YIPF1: variants seen among roughly 807,000 people sequenced by gnomAD.
YIPF1 encodes the protein protein YIPF1.
Under a neutral mutation model 37.0 loss-of-function variants are expected in YIPF1, and 22 were observed. That is an observed-to-expected ratio of 0.59 (90% CI 0.42 to 0.85). YIPF1 has a LOEUF of 0.85. Among genes scored for constraint, YIPF1 ranks in the 40% least tolerant of loss-of-function variants. YIPF1 has a pLI of 0.00. For missense variants in YIPF1, 355 were observed against 373.1 expected (o/e 0.95, Z 0.40); for synonymous variants, 128 against 131.9 (o/e 0.97, Z 0.21).
chr1:53,882,215 C>A (rs1650520072), intron 4 of YIPF1, among the ~76,000 whole-genome samples: 1 of 152,108 alleles, frequency 6.6e-6, no homozygotes, highest in African/African-American at 2.4e-5. Flanking sequence ...CTAATGGATG[C>A]TGGGCTTAAT....
intron 10 of YIPF1, among the ~76,000 whole-genome samples, chr1:53,859,401 C>T (rs1429471435): frequency 3.3e-5 from 5 of 152,270 alleles, no homozygotes; most frequent in East Asian, 1.9e-4. Context: ...CGGTGGCTCA[C>T]GCCTGTAATC....
chr1:53,869,726 T>C (rs1273481797), intron 7 of YIPF1, among the ~76,000 whole-genome samples: 1 of 152,182 alleles, frequency 6.6e-6, no homozygotes, highest in Non-Finnish European at 1.5e-5. Context: ...TAAAAGCTGT[T>C]TTGTTTTTTC....
chr1:53,870,622 T>C (rs981212785), intron 7 of YIPF1, among the ~76,000 whole-genome samples: 1 of 152,208 alleles, frequency 6.6e-6, no homozygotes, highest in Admixed American at 6.5e-5. Flanking sequence ...ACAATGTTTC[T>C]ATTGTCTCCA....
At chr1:53,854,249 C>G (rs1649665777) in intron 10 of YIPF1, among the ~76,000 whole-genome samples, 1 of 47,354 alleles carries the variant, frequency 2.1e-5, no homozygotes, top group Non-Finnish European at 3.9e-5. Context: ...GAGACTCTGT[C>G]TGAAAAAAAA....
chr1:53,883,100 G>C lies in YIPF1; in HGVS notation c.195+13C>G, dbSNP rs1310546846. 6.4e-7 allele frequency: 1 copy of C among 1,557,064 alleles called. No homozygotes were observed. The highest frequency in any genetic ancestry group is 8.6e-7 in the Non-Finnish European group (1 of 1,157,112). On this transcript the variant is annotated intron_variant, in intron 4 of 10. Transcript: ENST00000072644. ...AAAATTGTTTAAAAAATATCTCAAA[G>C]ACAAGTTCAAACCTCAGTTTTGTCA...
intron 10 of YIPF1, 90 bp downstream of exon 10, chr1:53,859,966 C>T (rs1052203537): frequency 2.3e-6 from 3 of 1,297,108 alleles, no homozygotes; most frequent in Non-Finnish European, 3.3e-6. Context: ...AGGGTCTGGC[C>T]CTCTGTGCTT....
rs753860946 is a variant in YIPF1 at position 53,878,320 on chromosome 1, A to G, written c.359T>C (p.Leu120Pro). The change falls in exon 6 of 11, where the codon CTC becomes CCC. Residue 120 changes from leucine (L) to proline (P), a missense_variant. Physicochemically the swap from Leu to Pro is moderately conservative, Grantham distance 98 (BLOSUM62 -3). Coordinates refer to ENST00000072644, the MANE Select transcript of YIPF1 (RefSeq NM_018982.5). ...CAAATCAGTACTAAACATACCATAG[A>G]GATCTGGATTGCTGCGGATATATAA... ...VRLYIRSNPD[L>P]YGPFWICATL... 9 of 1,613,942 alleles carry G rather than the reference A, an allele frequency of 5.6e-6. No individual in the cohort carries two copies. The Middle Eastern group carries it at 8.3e-4, about 148-fold the overall frequency.
chr1:53,861,874 C>T (rs562749489), intron 9 of YIPF1, among the ~76,000 whole-genome samples: 8 of 152,194 alleles, frequency 5.3e-5, no homozygotes, highest in African/African-American at 1.9e-4. Context: ...ATTAGCCAGG[C>T]GTGGTGGCAC....
chr1:53,866,539 G>A lies in YIPF1; in HGVS notation c.649-157C>T, dbSNP rs78744034. ...GCTGGAGGAACACCACCAGCATGTA[G>A]ACTGAGGCATATGCTTTTATAACAA... is the stretch of plus-strand genomic sequence containing the variant. On this transcript the variant is annotated intron_variant, in intron 8 of 10. Transcript: ENST00000072644. 4.9e-4 allele frequency among the ~76,000 whole-genome samples: 75 copies of A among 152,274 alleles called. 1 individual carries two copies. In the East Asian group the frequency reaches 0.014, roughly 28 times the overall value.
chr1:53,886,712 T>C (rs1650663334), intron 3 of YIPF1: 2 of 151,882 alleles, frequency 1.3e-5, no homozygotes, highest in African/African-American at 2.4e-5. Context: ...ACACAAGTGT[T>C]CTCCCAATCC....
intron 6 of YIPF1, 103 bp downstream of exon 6, chr1:53,878,212 A>G (rs750829105): frequency 2.7e-4 from 306 of 1,131,106 alleles, no homozygotes; most frequent in Non-Finnish European, 3.9e-4. Context: ...CTAATAATAC[A>G]TGGCATGCCC....
chr1:53,880,858 T>C (rs532673559), intron 4 of YIPF1, among the ~76,000 whole-genome samples: 95 of 152,270 alleles, frequency 6.2e-4, no homozygotes, highest in African/African-American at 2.2e-3. Context: ...TGGCTAGCCA[T>C]ATGCAGAAAA....
intron 7 of YIPF1, among the ~76,000 whole-genome samples, chr1:53,869,934 G>A (rs1041646750): frequency 2.8e-5 from 4 of 143,848 alleles, no homozygotes; most frequent in Non-Finnish European, 4.5e-5. Flanking sequence ...GTGCAGTAGC[G>A]TGATCTCGGC....
At chr1:53,854,274 C>T (rs1649666722) in intron 10 of YIPF1, among the ~76,000 whole-genome samples, 1 of 152,022 alleles carries the variant, frequency 6.6e-6, no homozygotes, top group Non-Finnish European at 1.5e-5. Context: ...AAAAAAAATT[C>T]CTTCTCCTGC....
chr1:53,887,679 C>G (rs2076012157), intron 3 of YIPF1, among the ~76,000 whole-genome samples: 1 of 150,128 alleles, frequency 6.7e-6, no homozygotes, highest in Non-Finnish European at 1.5e-5. Flanking sequence ...ATAGATTTAT[C>G]TTTAAACAGT....
At chr1:53,883,302 C>A (rs761120324) in intron 3 of YIPF1, 26 bp from the exon 4 acceptor site, 1 of 1,510,422 alleles carries the variant, frequency 6.6e-7, no homozygotes, top group Non-Finnish European at 8.8e-7. Context: ...GCACACGGGC[C>A]TCAGAAACCT....
intron 6 of YIPF1, 145 bp from the exon 7 acceptor site, chr1:53,871,633 A>T: frequency 4.6e-6 from 3 of 646,966 alleles, no homozygotes; most frequent in East Asian, 2.9e-5. Context: ...CTGAAGGGAA[A>T]TTTTTTTTTC....
rs1244021920 is a variant in YIPF1 at position 53,871,407 on chromosome 1, T to C, written c.446A>G (p.Glu149Gly). 9 of 1,613,608 alleles carry C rather than the reference T, an allele frequency of 5.6e-6. No homozygotes were observed. The highest frequency in any genetic ancestry group is 1.7e-5 in the Admixed American group (1 of 59,970). ...NLSNFLIHLG[E>G]KTYHYVPEFR... is the part of the protein sequence containing the mutation. ...TTCGGGCACATAATGGTACGTCTTC[T>C]CTCCCAGATGGATCAAGAAGTTGGA... is the stretch of plus-strand genomic sequence containing the variant. The change falls in exon 7 of 11, where the codon GAG (glutamate) becomes GGG (glycine). Residue 149 changes from glutamate to glycine, a missense_variant. Physicochemically the swap from Glu to Gly is moderately conservative, Grantham distance 98. Transcript: ENST00000072644.
intron 9 of YIPF1, among the ~76,000 whole-genome samples, chr1:53,862,800 G>A (rs1308225983): frequency 6.6e-6 from 1 of 152,044 alleles, no homozygotes; most frequent in Non-Finnish European, 1.5e-5. Flanking sequence ...TTCAATCCTT[G>A]CAACGTAAAG....
Sources: allele counts gnomAD v4.1 joint callset (sites outside exome capture counted in the v4.1 genomes callset), GRCh38; gene constraint gnomAD v4.1.1; transcripts MANE v1.5; gene names NCBI Gene and HGNC (gene_info 2026-07-23, HGNC 2026-07-21).